GPR137: variants seen among roughly 807,000 people sequenced by gnomAD.
GPR137 encodes the protein integral membrane protein GPR137.
A neutral mutation model predicts 38.9 loss-of-function variants in GPR137; 20 were observed. The ratio of observed to expected loss-of-function variants is 0.51; its 90% CI spans 0.36 to 0.75. The LOEUF is 0.75. GPR137 is among the 30% of genes least tolerant of loss of function. The pLI is 0.00. For synonymous variants in GPR137, 226 were observed against 235.8 expected (o/e 0.96, Z 0.38); for missense variants, 456 against 526.4 (o/e 0.87, Z 1.31).
At chr11:64,279,020 C>T (rs568518973) in intron 2 of GPR137, among the ~76,000 whole-genome samples, 3 of 152,324 alleles carry the variant, frequency 2.0e-5, no homozygotes, top group South Asian at 4.1e-4. Context: ...TCCTACGGGT[C>T]TGCAGCTGGG....
In GPR137 at chr11:64,288,131, T is replaced by C. The variant is rs2034338773; in HGVS notation, c.700T>C (p.Cys234Arg). Residue 234 changes from cysteine to arginine, a missense_variant, in exon 4 of 7, where the codon TGC (cysteine) becomes CGC (arginine). Coordinates refer to ENST00000438980, the MANE Select transcript of GPR137 (RefSeq NM_001170880.2). This position sits in a 1 kb window ranked among gnomAD's most constrained non-coding sequence, Gnocchi z 5.5. ...GGTCCTGCTCTATGCCAGCCGGGCC[T>C]GCTACAACCTGACAGCACTGGCCTT... ...AMVLLYASRACYNLTALALAP... is the reference protein window; with the variant it reads ...AMVLLYASRARYNLTALALAP... 1 of 1,612,760 alleles carries C rather than the reference T, an allele frequency of 6.2e-7. No homozygotes were observed. Among genetic ancestry groups the C allele is most frequent in the African/African-American group, 1.3e-5 (1 of 74,916 alleles).
chr11:64,289,267 C>T lies in GPR137; in HGVS notation c.*71C>T. ...CCCTAGGCCCCTGTGCCAAGTTTGT[C>T]TGCCGCTTCTTGCCCAGGATCCTGG... On this transcript the variant is annotated 3_prime_UTR_variant, in exon 7 of 7. Coordinates refer to ENST00000438980, the MANE Select transcript of GPR137 (RefSeq NM_001170880.2). 6.2e-7 allele frequency: 1 copy of T among 1,612,738 alleles called. No homozygotes were observed. Among genetic ancestry groups the T allele is most frequent in the Non-Finnish European group, 8.5e-7 (1 of 1,179,762 alleles).
chr11:64,285,781 C>G (rs1172743508), upstream of GPR137: 1 of 985,184 alleles, frequency 1.0e-6, no homozygotes, highest in Non-Finnish European at 1.2e-6. Context: ...GACTGCGGAG[C>G]CAGCCGGGCC....
upstream of GPR137, among the ~76,000 whole-genome samples, chr11:64,275,443 C>G (rs1043712627): frequency 6.6e-6 from 1 of 152,158 alleles, no homozygotes; most frequent in African/African-American, 2.4e-5. Flanking sequence ...TTTGGGGCCC[C>G]AGTGTCTTCT....
Position 64,288,978 on chromosome 11 carries a change from G to T in GPR137, c.1032-59G>T. ...GTTCTAAGCCTGTCTTCCTCCTGCA[G>T]CTCTTGTGACTGTGGCCCTGGTCAC... On this transcript the variant is annotated intron_variant, in intron 6 of 6. Coordinates refer to ENST00000438980, the MANE Select transcript of GPR137 (RefSeq NM_001170880.2). The surrounding 1 kb of genome is among the most constrained non-coding windows in gnomAD (Gnocchi z 5.5). The T allele has an allele frequency of 1.4e-6, 2 of 1,468,834 alleles. No homozygotes were observed. Among genetic ancestry groups the T allele is most frequent in the Non-Finnish European group, 1.8e-6 (2 of 1,111,960 alleles). The allele number at this position is 1,468,834 out of a possible 1,614,324, so 91.0% of individuals were successfully genotyped here. A position where few individuals can be genotyped will look rare whatever the true frequency, so the allele number is the denominator to read the frequency against.
chr11:64,289,112 G>C lies in GPR137; in HGVS notation c.1107G>C (p.Gln369His), dbSNP rs770271373. The C allele has an allele frequency of 6.8e-6, 11 of 1,613,050 alleles. No homozygotes were observed. Among genetic ancestry groups the C allele is most frequent in the Non-Finnish European group, 7.6e-6 (9 of 1,179,816 alleles). ...AGCCGGGCTGGTATGGGGGCAGCCA[G>C]ACGAAGACCACTCCTCTGCTCTTCT... Reference protein sequence around the residue: ...GREPGWYGGSQTKTTPLLFSQ... With the variant: ...GREPGWYGGSHTKTTPLLFSQ... The change falls in exon 7 of 7, where the codon CAG (glutamine) becomes CAC (histidine). Residue 369 changes from glutamine (Q) to histidine (H), a missense_variant. By Grantham distance (24) the Gln-to-His change is conservative (BLOSUM62 0). Transcript: ENST00000438980.
At chr11:64,285,261 A>G, upstream of GPR137, 1 of 986,604 alleles carries the variant, frequency 1.0e-6, no homozygotes, top group Non-Finnish European at 1.2e-6. Flanking sequence ...ACTGGAGATA[A>G]GGAAAGGAAC....
At chr11:64,274,353 C>G (rs1411571845), upstream of GPR137, among the ~76,000 whole-genome samples, 1 of 150,810 alleles carries the variant, frequency 6.6e-6, no homozygotes, top group Non-Finnish European at 1.5e-5. Context: ...CGCCACTGCA[C>G]TCCAGCCTGG....
chr11:64,285,372 G>A (rs2033837107), upstream of GPR137: 2 of 985,028 alleles, frequency 2.0e-6, no homozygotes, highest in South Asian at 4.7e-5. Flanking sequence ...CTGGCAGGCG[G>A]CCGGCCAGGT....
At chr11:64,273,948 G>A (rs2032843562), upstream of GPR137, among the ~76,000 whole-genome samples, 1 of 151,904 alleles carries the variant, frequency 6.6e-6, no homozygotes, top group African/African-American at 2.4e-5. Flanking sequence ...GCTCTTTGGA[G>A]GAGGTAAATT....
At chr11:64,276,889 G>T (rs1484463269) in intron 2 of GPR137, 1 of 754,600 alleles carries the variant, frequency 1.3e-6, no homozygotes, top group South Asian at 1.4e-5. Context: ...AGTGCCCCAG[G>T]CCCCAGCATG....
At chr11:64,282,761 C>A (rs1209703606), upstream of GPR137, among the ~76,000 whole-genome samples, 1 of 151,940 alleles carries the variant, frequency 6.6e-6, no homozygotes, top group Non-Finnish European at 1.5e-5. Flanking sequence ...CGCCTGTAGT[C>A]CCAGCTACTC....
chr11:64,272,504 C>T (rs973711370), upstream of GPR137, among the ~76,000 whole-genome samples: 41 of 152,270 alleles, frequency 2.7e-4, no homozygotes, highest in Admixed American at 2.6e-3. Context: ...CCTGCAGAGC[C>T]CCTGGAGAAC....
At chr11:64,283,753 G>A (rs1376603259), upstream of GPR137, among the ~76,000 whole-genome samples, 1 of 152,166 alleles carries the variant, frequency 6.6e-6, no homozygotes, top group Non-Finnish European at 1.5e-5. Context: ...ATCACTGCCT[G>A]CCTGTCACTG....
rs2034386178 is a variant in GPR137, at chr11:64,288,407, A to T, written c.851A>T (p.Glu284Val). 1.9e-6 allele frequency: 3 copies of T among 1,613,738 alleles called. No homozygotes were observed. The highest frequency in any genetic ancestry group is 2.5e-6 in the Non-Finnish European group (3 of 1,179,980). Reference protein sequence around the residue: ...LVFGLILFVWELLPTTLLVGF... With the variant: ...LVFGLILFVWVLLPTTLLVGF... ...TTTGGCCTCATCCTCTTCGTGTGGG[A>T]GCTACTGCCCACCACCCTGCTGGTG... Residue 284 changes from glutamate to valine, a missense_variant, in exon 5 of 7, where the codon GAG (glutamate) becomes GTG (valine). Transcript: ENST00000438980. The surrounding 1 kb of genome is among the most constrained non-coding windows in gnomAD (Gnocchi z 5.5).
At chr11:64,284,912 G>A, upstream of GPR137, 2 of 1,422,688 alleles carry the variant, frequency 1.4e-6, no homozygotes, top group South Asian at 3.0e-5. Context: ...GAGCAGGAGA[G>A]GGATTCTCTG....
intron 2 of GPR137, among the ~76,000 whole-genome samples, chr11:64,278,556 C>T (rs1383033787): frequency 6.6e-6 from 1 of 152,102 alleles, no homozygotes; most frequent in Non-Finnish European, 1.5e-5. Context: ...GTTCTATTCC[C>T]GTTTACAGAT....
upstream of GPR137, chr11:64,284,405 G>C: frequency 6.2e-7 from 1 of 1,610,600 alleles, no homozygotes; most frequent in Non-Finnish European, 8.5e-7. Context: ...ACGTAGTCAA[G>C]GCACAGCTGG....
At chr11:64,271,336 G>T (rs2032572978), upstream of GPR137, among the ~76,000 whole-genome samples, 1 of 96,470 alleles carries the variant, frequency 1.0e-5, no homozygotes, top group African/African-American at 4.3e-5. Flanking sequence ...ACACACACAC[G>T]CCTGGAGTGG....
Sources: gnomAD v4.1 joint callset for allele counts (sites outside exome capture counted in the v4.1 genomes callset) on GRCh38, gnomAD v4.1.1 for gene constraint, Gnocchi (gnomAD v3.1) non-coding constraint, MANE v1.5 for transcripts, NCBI Gene and HGNC (gene_info 2026-07-23, HGNC 2026-07-21) for gene names.